Variants in VTI1A observed in about 807,000 individuals in gnomAD.
The protein encoded by VTI1A is vesicle transport through interaction with t-SNAREs homolog 1A.
A neutral mutation model predicts 34.9 loss-of-function variants in VTI1A; 22 were observed. The ratio of observed to expected loss-of-function variants is 0.63; its 90% CI spans 0.45 to 0.90. The LOEUF (loss-of-function observed/expected upper bound fraction) is 0.90. Among genes scored for constraint, VTI1A ranks in the 40% least tolerant of loss-of-function variants. The pLI, the probability that VTI1A is intolerant of heterozygous loss-of-function variation, is 0.00. For synonymous variants in VTI1A, 87 were observed against 97.3 expected (o/e 0.89, Z 0.62); for missense variants, 268 against 275.6 (o/e 0.97, Z 0.20).
intron 5 of VTI1A, among the ~76,000 whole-genome samples, chr10:112,661,743 A>G (rs1159517065): frequency 1.5e-5 from 2 of 137,336 alleles, no homozygotes; most frequent in African/African-American, 5.4e-5. Flanking sequence ...TCCTGAATGT[A>G]TCTTTTTTTT....
At chr10:112,667,583 A>G (rs1847688075) in intron 5 of VTI1A, among the ~76,000 whole-genome samples, 1 of 152,176 alleles carries the variant, frequency 6.6e-6, no homozygotes, top group Non-Finnish European at 1.5e-5. Context: ...GGGTGAAAAC[A>G]CTGTCTCCAG....
At position 112,731,918 on chromosome 10, in the gene VTI1A, C is replaced by T. The variant is rs1295286789; in HGVS notation, c.560+62920C>T. 3.9e-5 allele frequency among the ~76,000 whole-genome samples: 6 copies of T among 152,218 alleles called. No homozygotes were observed. The East Asian group carries it at 5.8e-4, about 15-fold the overall frequency. ...AAAGAAAATAATCCTTTTTGAGAGG[C>T]ATTAACTATTTTTTAAAGCCACAAA... On this transcript the variant is annotated intron_variant, in intron 7 of 7. Coordinates refer to ENST00000393077, the MANE Select transcript of VTI1A (RefSeq NM_145206.4).
chr10:112,579,296 ATC>A (rs1245431639), intron 5 of VTI1A, among the ~76,000 whole-genome samples: 6 of 152,368 alleles, frequency 3.9e-5, no homozygotes, highest in Admixed American at 3.9e-4. Context: ...TGTATGTAAG[ATC>A]TCTGAGTCAA....
At chr10:112,488,379 G>C (rs1338507291) in intron 3 of VTI1A, among the ~76,000 whole-genome samples, 14 of 152,156 alleles carry the variant, frequency 9.2e-5, no homozygotes. Context: ...GCTATTCTCT[G>C]TATTAAGTGA....
chr10:112,842,328 T>C, the VTI1A span, among the ~76,000 whole-genome samples: 19 of 152,162 alleles, frequency 1.2e-4, no homozygotes, highest in African/African-American at 4.1e-4. Flanking sequence ...GGAGAACTCA[T>C]CTCTGATCAC....
chr10:112,804,663 G>T (rs548676900), intron 7 of VTI1A, among the ~76,000 whole-genome samples: 3 of 151,972 alleles, frequency 2.0e-5, no homozygotes, highest in Non-Finnish European at 4.4e-5. Flanking sequence ...GGCCTTTGTC[G>T]TGAGGCTTCT....
the VTI1A span, among the ~76,000 whole-genome samples, chr10:112,852,556 G>A: frequency 6.6e-6 from 1 of 152,240 alleles, no homozygotes; most frequent in Non-Finnish European, 1.5e-5. Flanking sequence ...TGAGGTGGGG[G>A]TTGGCACGTG....
chr10:112,635,608 A>G (rs1041336954), intron 5 of VTI1A, among the ~76,000 whole-genome samples: 1 of 152,218 alleles, frequency 6.6e-6, no homozygotes, highest in Non-Finnish European at 1.5e-5. Flanking sequence ...GACAATGAAG[A>G]CAGGGAAACC....
intron 7 of VTI1A, among the ~76,000 whole-genome samples, chr10:112,769,846 C>T (rs182011730): frequency 3.9e-5 from 6 of 152,122 alleles, no homozygotes; most frequent in African/African-American, 1.4e-4. Context: ...ATTTACATAC[C>T]TTAGGAACCA....
downstream of VTI1A, among the ~76,000 whole-genome samples, chr10:112,821,494 G>A (rs374346294): frequency 6.6e-6 from 1 of 152,060 alleles, no homozygotes; most frequent in African/African-American, 2.4e-5. Context: ...TTTTCGTGAC[G>A]AGGCCCCACA....
intron 5 of VTI1A, among the ~76,000 whole-genome samples, chr10:112,597,215 TTTTG>T (rs1174788843): frequency 1.3e-5 from 2 of 152,132 alleles, no homozygotes; most frequent in Non-Finnish European, 2.9e-5. Context: ...GTGGTTTGTT[TTTTG>T]TTTGTTTGTT....
At chr10:112,617,652 G>T (rs1845555598) in intron 5 of VTI1A, among the ~76,000 whole-genome samples, 1 of 151,996 alleles carries the variant, frequency 6.6e-6, no homozygotes, top group Admixed American at 6.6e-5. Flanking sequence ...TTCAGGACAG[G>T]TGTAAAAATA....
intron 5 of VTI1A, among the ~76,000 whole-genome samples, chr10:112,596,083 T>C (rs368725842): frequency 6.7e-6 from 1 of 148,870 alleles, no homozygotes; most frequent in Non-Finnish European, 1.5e-5. Context: ...AACACTGCAT[T>C]TTCTCACTCA....
the VTI1A span, among the ~76,000 whole-genome samples, chr10:112,828,803 G>A: frequency 1.3e-5 from 2 of 150,686 alleles, no homozygotes; most frequent in Non-Finnish European, 3.0e-5. Context: ...CTTGAGCCCA[G>A]GAATTCAAGA....
chr10:112,725,137 C>T (rs1849971828), intron 7 of VTI1A, among the ~76,000 whole-genome samples: 1 of 152,216 alleles, frequency 6.6e-6, no homozygotes, highest in Non-Finnish European at 1.5e-5. Flanking sequence ...CGGTTTAAAT[C>T]AGGCTGCAAA....
At chr10:112,677,456 A>G (rs1275966862) in intron 7 of VTI1A, among the ~76,000 whole-genome samples, 1 of 152,162 alleles carries the variant, frequency 6.6e-6, no homozygotes, top group African/African-American at 2.4e-5. Flanking sequence ...ATTTTCTTCT[A>G]GATTTTTTGT....
chr10:112,591,413 G>A (rs942065842), intron 5 of VTI1A, among the ~76,000 whole-genome samples: 8 of 152,152 alleles, frequency 5.3e-5, no homozygotes, highest in East Asian at 1.9e-4. Flanking sequence ...CCAGCTACTC[G>A]GAAGGCTGAA....
chr10:112,589,472 C>T (rs760136460), intron 5 of VTI1A, among the ~76,000 whole-genome samples: 1 of 152,120 alleles, frequency 6.6e-6, no homozygotes, highest in East Asian at 1.9e-4. Context: ...TCCAGTAAAG[C>T]TCTTTCTTTT....
chr10:112,849,344 C>G, the VTI1A span, among the ~76,000 whole-genome samples: 7 of 152,324 alleles, frequency 4.6e-5, no homozygotes, highest in South Asian at 1.2e-3. Context: ...CAGTGGGGCT[C>G]TCTCTGCCTG....
Sources: allele counts gnomAD v4.1 joint callset (sites outside exome capture counted in the v4.1 genomes callset), GRCh38; gene constraint gnomAD v4.1.1; transcripts MANE v1.5; gene names NCBI Gene and HGNC (gene_info 2026-07-23, HGNC 2026-07-21).